Variants in ITGB2 observed in about 807,000 individuals in gnomAD.
ITGB2 encodes the protein integrin subunit beta 2.
In ITGB2, 56 loss-of-function variants were observed where a neutral mutation model predicts 86.8. That is an observed-to-expected ratio of 0.65 (90% confidence interval 0.52 to 0.81). The LOEUF is 0.81. Ranked by LOEUF, ITGB2 falls within the 30% of genes least tolerant of loss-of-function variation. The pLI, the probability that ITGB2 is intolerant of heterozygous loss-of-function variation, is 0.00. For synonymous variants in ITGB2, 457 were observed against 450.4 expected (o/e 1.01, Z -0.19); for missense variants, 948 against 1,061.2 (o/e 0.89, Z 1.48).
At chr21:44,901,463 G>A (rs765395205) in intron 6 of ITGB2, 29 bp downstream of exon 6, 2 of 1,611,386 alleles carry the variant, frequency 1.2e-6, no homozygotes, top group African/African-American at 1.3e-5. Context: ...GGGGGAACGT[G>A]GGGACCCAAG....
At chr21:44,927,440 G>A (rs2084387279) in intron 1 of ITGB2, among the ~76,000 whole-genome samples, 1 of 152,080 alleles carries the variant, frequency 6.6e-6, no homozygotes, top group Middle Eastern at 3.4e-3. Flanking sequence ...CCTGCCTGGA[G>A]AGCACCCCCA....
intron 1 of ITGB2, 36 bp downstream of exon 1, chr21:44,920,785 A>G (rs1601339082): frequency 6.6e-6 from 1 of 152,256 alleles, no homozygotes; most frequent in South Asian, 2.1e-4. Flanking sequence ...CCCTCCAAAA[A>G]TCACCGTGGA....
At chr21:44,900,198 T>C (rs1324338051) in intron 7 of ITGB2, 122 bp downstream of exon 7, 1 of 1,336,600 alleles carries the variant, frequency 7.5e-7, no homozygotes, top group African/African-American at 1.5e-5. Context: ...CTTCCAGAAG[T>C]TTCCTCAGGA....
Position 44,910,379 on chromosome 21 carries a change from G to T in ITGB2, c.59-7C>A. On this transcript the variant is annotated splice_polypyrimidine_tract_variant and splice_region_variant and intron_variant, in intron 2 of 15. Coordinates refer to ENST00000652462, the MANE Select transcript of ITGB2 (RefSeq NM_000211.5). Reference sequence around the variant, plus strand: ...GTGCACTCCTGAGAGAGGACTGAGGGACGAGGCCGGCTGGTGAGTGGGTGC... The same window carrying T: ...GTGCACTCCTGAGAGAGGACTGAGGTACGAGGCCGGCTGGTGAGTGGGTGC... 4.3e-6 allele frequency: 7 copies of T among 1,614,152 alleles called. No individual in the cohort carries two copies. The highest frequency in any genetic ancestry group is 5.9e-6 in the Non-Finnish European group (7 of 1,180,010).
At chr21:44,907,988 C>G in intron 3 of ITGB2, 1 of 705,290 alleles carries the variant, frequency 1.4e-6, no homozygotes, top group Non-Finnish European at 2.7e-6. Flanking sequence ...ACAAACAAAT[C>G]TCACTGAAAG....
intron 1 of ITGB2, among the ~76,000 whole-genome samples, chr21:44,915,708 A>G (rs796104782): frequency 9.2e-5 from 14 of 152,322 alleles, no homozygotes; most frequent in African/African-American, 3.4e-4. Flanking sequence ...TGGGGACTGG[A>G]ACACTGTCCT....
At chr21:44,888,993 G>A in intron 13 of ITGB2, 98 bp from the exon 14 acceptor site, 1 of 1,119,844 alleles carries the variant, frequency 8.9e-7, no homozygotes, top group Non-Finnish European at 1.3e-6. Context: ...GGGGGCAGGT[G>A]GGGTTGGGGC....
chr21:44,912,604 G>A (rs2084150123), intron 1 of ITGB2, among the ~76,000 whole-genome samples: 2 of 152,164 alleles, frequency 1.3e-5, no homozygotes, highest in South Asian at 4.1e-4. Context: ...TTCACATTGG[G>A]CCCACCCTGT....
Position 44,900,047 on chromosome 21 carries a change from AG to A in ITGB2, c.897+272del, listed in dbSNP as rs35203235. Among the ~76,000 whole-genome samples, 17,989 of 152,170 alleles carry A rather than the reference AG, an allele frequency of 0.12. 2,265 individuals carry two copies. The highest frequency in any genetic ancestry group is 0.31 in the African/African-American group (12,953 of 41,492). ...CTCCACAGCAGCTGTCAGCCCAGGTAGGGGGGCAGTGGGGCTGGAGACCAAC... is the reference window on the plus strand; with the variant it reads ...CTCCACAGCAGCTGTCAGCCCAGGTAGGGGGCAGTGGGGCTGGAGACCAAC... On this transcript the variant is annotated intron_variant, in intron 7 of 15. Transcript: ENST00000652462.
At chr21:44,927,971 G>C (rs908420176) in intron 1 of ITGB2, 1 of 152,190 alleles carries the variant, frequency 6.6e-6, no homozygotes, top group South Asian at 2.1e-4. Flanking sequence ...GGAGGGCTGC[G>C]AGAAGCTGGG....
chr21:44,915,215 G>A (rs896165658), intron 1 of ITGB2, among the ~76,000 whole-genome samples: 2 of 152,116 alleles, frequency 1.3e-5, no homozygotes, highest in East Asian at 1.9e-4. Context: ...TAGTAGAGAC[G>A]AGGTTTCATC....
At position 44,895,883 on chromosome 21, in the gene ITGB2, TAAATA is replaced by T. The variant is rs55951728; in HGVS notation, c.994-828_994-824del. Among the ~76,000 whole-genome samples, 472 of 127,448 alleles carry T rather than the reference TAAATA, an allele frequency of 3.7e-3. 5 individuals are homozygous for T. Among genetic ancestry groups the T allele is most frequent in the Middle Eastern group, 0.012 (3 of 252 alleles). The allele number at this position is 127,448 out of a possible 152,430, so 83.6% of individuals were successfully genotyped here. Reference sequence around the variant, plus strand: ...AATGAAATGAAATGAAATAAAAAAATAAATAAAATAAAATAAAATAAATAAAAAAT... The same window carrying T: ...AATGAAATGAAATGAAATAAAAAAATAAATAAAATAAAATAAATAAAAAAT... On this transcript the variant is annotated intron_variant, in intron 8 of 15. Transcript: ENST00000652462.
intron 1 of ITGB2, among the ~76,000 whole-genome samples, chr21:44,916,281 AC>A (rs1170970220): frequency 6.7e-6 from 1 of 149,040 alleles, no homozygotes. Flanking sequence ...GAGACACCCC[AC>A]CCCCCCGACA....
intron 1 of ITGB2, among the ~76,000 whole-genome samples, chr21:44,918,951 A>G (rs2084251734): frequency 6.6e-6 from 1 of 150,730 alleles, no homozygotes; most frequent in Admixed American, 6.6e-5. Context: ...CCCCTCTCCC[A>G]GCACTCGGAG....
chr21:44,923,245 A>G (rs2084331516), upstream of ITGB2, among the ~76,000 whole-genome samples: 1 of 152,192 alleles, frequency 6.6e-6, no homozygotes, highest in African/African-American at 2.4e-5. Context: ...GTACAAGAGG[A>G]GAGACGAAGG....
At chr21:44,924,761 G>T (rs565813294), upstream of ITGB2, among the ~76,000 whole-genome samples, 1 of 152,128 alleles carries the variant, frequency 6.6e-6, no homozygotes, top group Non-Finnish European at 1.5e-5. Flanking sequence ...CCACACTCAC[G>T]CTACGGGGTA....
chr21:44,895,177 G>T, intron 8 of ITGB2, 117 bp from the exon 9 acceptor site: 2 of 767,038 alleles, frequency 2.6e-6, no homozygotes, highest in Non-Finnish European at 4.6e-6. Flanking sequence ...GGTCCTCAAC[G>T]CAGTTTTGCA....
In ITGB2 at chr21:44,904,899, T is replaced by TCCTGGC. The variant is rs754341461; in HGVS notation, c.329-1370_329-1365dup. ...ACTCACCCACATTCACACCCGGCAC[T>TCCTGGC]CCTGGCCCTGGCCCTCGCCCTGCTG... On this transcript the variant is annotated intron_variant, in intron 4 of 15. Coordinates refer to ENST00000652462, the MANE Select transcript of ITGB2 (RefSeq NM_000211.5). 1.4e-3 allele frequency among the ~76,000 whole-genome samples: 216 copies of TCCTGGC among 152,220 alleles called. 1 individual carries two copies. Among genetic ancestry groups the TCCTGGC allele is most frequent in the Non-Finnish European group, 2.4e-3 (164 of 67,992 alleles).
At chr21:44,926,513 GC>G (rs1466219333) in intron 1 of ITGB2, among the ~76,000 whole-genome samples, 1 of 152,178 alleles carries the variant, frequency 6.6e-6, no homozygotes, top group African/African-American at 2.4e-5. Flanking sequence ...CATCCGTGGG[GC>G]CACGCCGGGC....
Sources: gnomAD v4.1 joint callset for allele counts (sites outside exome capture counted in the v4.1 genomes callset) on GRCh38, gnomAD v4.1.1 for gene constraint, MANE v1.5 for transcripts, NCBI Gene and HGNC (gene_info 2026-07-23, HGNC 2026-07-21) for gene names.